Variants in SLC9B1 observed in about 807,000 individuals in gnomAD.
SLC9B1 encodes solute carrier family 9 member B1, also known as sodium/hydrogen exchanger 9B1.
A neutral mutation model predicts 51.7 loss-of-function variants in SLC9B1; 32 were observed. That is an observed-to-expected ratio of 0.62 (90% CI 0.47 to 0.83). The LOEUF is 0.83. Ranked by LOEUF, SLC9B1 falls within the 40% of genes least tolerant of loss-of-function variation. The pLI is 0.00. For missense variants in SLC9B1, 406 were observed against 613.2 expected (o/e 0.66, Z 3.57); for synonymous variants, 145 against 212.7 (o/e 0.68, Z 2.77).
chr4:102,972,652 GA>G (rs1462146380), intron 3 of SLC9B1, among the ~76,000 whole-genome samples: 1 of 152,242 alleles, frequency 6.6e-6, no homozygotes, highest in East Asian at 1.9e-4. Context: ...TAAGCATGAG[GA>G]AACTTTTTGA....
intron 1 of SLC9B1, among the ~76,000 whole-genome samples, chr4:102,993,390 T>C (rs1441991185): frequency 1.3e-5 from 2 of 152,200 alleles, no homozygotes; most frequent in East Asian, 3.9e-4. Flanking sequence ...GATCTCCTTT[T>C]ACTCCATGTG....
In SLC9B1 at chr4:102,967,211, G is replaced by A. The variant is rs114358920; in HGVS notation, c.212-17784C>T. Among the ~76,000 whole-genome samples the A allele has an allele frequency of 1.3e-3, 204 of 152,196 alleles. 1 individual carries two copies. The highest frequency in any genetic ancestry group is 2.4e-3 in the Admixed American group (37 of 15,280). On this transcript the variant is annotated intron_variant, in intron 3 of 11. Coordinates refer to ENST00000296422, the MANE Select transcript of SLC9B1 (RefSeq NM_139173.4). ...CTCTCGTCTTTTTGTTGTCTTCTGAGCCCTCATTGAAATTATCCTTAATGC... is the reference window on the plus strand; with the variant it reads ...CTCTCGTCTTTTTGTTGTCTTCTGAACCCTCATTGAAATTATCCTTAATGC...
chr4:102,936,991 A>G (rs1168018381), intron 6 of SLC9B1, among the ~76,000 whole-genome samples: 1 of 152,120 alleles, frequency 6.6e-6, no homozygotes, highest in African/African-American at 2.4e-5. Flanking sequence ...AAAAACATGA[A>G]AGGCAGCTAA....
intron 11 of SLC9B1, among the ~76,000 whole-genome samples, chr4:102,903,954 C>T (rs1429052041): frequency 6.6e-6 from 1 of 151,940 alleles, no homozygotes; most frequent in Non-Finnish European, 1.5e-5. Context: ...AAATAGAATA[C>T]AAATAAATGT....
intron 11 of SLC9B1, chr4:102,891,072 T>G (rs577632757): frequency 6.6e-6 from 1 of 151,226 alleles, no homozygotes; most frequent in African/African-American, 2.5e-5. Context: ...AAGGAAATGA[T>G]GTATGTGTTT....
intron 6 of SLC9B1, among the ~76,000 whole-genome samples, chr4:102,941,749 A>C (rs1737014900): frequency 6.6e-6 from 1 of 151,968 alleles, no homozygotes; most frequent in Non-Finnish European, 1.5e-5. Flanking sequence ...AACTGGAACA[A>C]GACAAGGATG....
chr4:102,984,657 T>C (rs887668883), intron 3 of SLC9B1, among the ~76,000 whole-genome samples: 3 of 152,242 alleles, frequency 2.0e-5, no homozygotes, highest in African/African-American at 4.8e-5. Context: ...GCAGAATTTG[T>C]ATTTTGCTCT....
chr4:102,968,473 A>C (rs1299334384), intron 3 of SLC9B1, among the ~76,000 whole-genome samples: 1 of 152,250 alleles, frequency 6.6e-6, no homozygotes, highest in Non-Finnish European at 1.5e-5. Context: ...CATATTCCAT[A>C]AAAGAAAAAC....
intron 1 of SLC9B1, among the ~76,000 whole-genome samples, chr4:102,995,380 T>C (rs1484798490): frequency 2.0e-5 from 3 of 152,110 alleles, no homozygotes; most frequent in Admixed American, 2.0e-4. Context: ...CTGTGAGTCA[T>C]AAGTAAGCAG....
At chr4:102,910,337 C>G in intron 9 of SLC9B1, 102 bp downstream of exon 9, 2 of 1,049,820 alleles carry the variant, frequency 1.9e-6, no homozygotes, top group Non-Finnish European at 2.6e-6. Context: ...GGACAGAAAA[C>G]CTTTTGGAAC....
chr4:102,925,238 G>A (rs573269568), intron 7 of SLC9B1, among the ~76,000 whole-genome samples: 2 of 152,230 alleles, frequency 1.3e-5, no homozygotes, highest in African/African-American at 2.4e-5. Flanking sequence ...AAAAGGATGA[G>A]TTCCTGTCCT....
intron 1 of SLC9B1, among the ~76,000 whole-genome samples, chr4:103,018,514 G>C (rs1243309670): frequency 6.6e-6 from 1 of 152,182 alleles, no homozygotes. Flanking sequence ...AATAATAAGT[G>C]TCATTTTTCA....
intron 3 of SLC9B1, chr4:102,962,942 G>T (rs1229775031): frequency 4.3e-6 from 2 of 463,902 alleles, no homozygotes; most frequent in East Asian, 1.4e-4. Flanking sequence ...CCCAGAGTTT[G>T]CCAACCCAGA....
chr4:102,954,051 G>A (rs1461282250), intron 3 of SLC9B1, among the ~76,000 whole-genome samples: 2 of 46,796 alleles, frequency 4.3e-5, no homozygotes, highest in Admixed American at 2.8e-4. Context: ...TCTTGTGCTG[G>A]TTTTCAAAGG....
intron 6 of SLC9B1, among the ~76,000 whole-genome samples, chr4:102,933,433 C>T (rs181017491): frequency 6.6e-6 from 1 of 152,352 alleles, no homozygotes; most frequent in Non-Finnish European, 1.5e-5. Flanking sequence ...GGTTCCTAAA[C>T]TCTGCTGCAC....
intron 6 of SLC9B1, among the ~76,000 whole-genome samples, chr4:102,944,671 G>C (rs1177323754): frequency 6.6e-6 from 1 of 152,234 alleles, no homozygotes; most frequent in East Asian, 1.9e-4. Flanking sequence ...AGAGACAGTA[G>C]TTACAGACTT....
intron 3 of SLC9B1, among the ~76,000 whole-genome samples, chr4:102,955,843 G>GAA (rs1553983810): frequency 6.6e-5 from 7 of 106,754 alleles, no homozygotes; most frequent in African/African-American, 2.2e-4. Flanking sequence ...GAAAGAGAGA[G>GAA]AGAAAGAAAG....
chr4:102,934,763 CA>C (rs772664880), intron 6 of SLC9B1, among the ~76,000 whole-genome samples: 134 of 115,518 alleles, frequency 1.2e-3, no homozygotes, highest in African/African-American at 1.7e-3. Context: ...GACTCTGTCA[CA>C]AAAAAAAAAA....
At chr4:102,937,824 G>A (rs1736800237) in intron 6 of SLC9B1, among the ~76,000 whole-genome samples, 2 of 151,564 alleles carry the variant, frequency 1.3e-5, no homozygotes, top group Non-Finnish European at 1.5e-5. Flanking sequence ...ACAAACAAAT[G>A]CTAAGGGAAT....
Sources: gnomAD v4.1 joint callset for allele counts (sites outside exome capture counted in the v4.1 genomes callset) on GRCh38, gnomAD v4.1.1 for gene constraint, MANE v1.5 for transcripts, NCBI Gene and HGNC (gene_info 2026-07-23, HGNC 2026-07-21) for gene names.